The following ARID1B variants were observed in gnomAD, a reference collection of about 807,000 sequenced individuals.
The protein encoded by ARID1B is AT-rich interactive domain-containing protein 1B.
ARID1B carries 30 observed loss-of-function variants against 212.3 expected under a neutral mutation model. The observed-to-expected ratio is 0.14, with a 90% CI of 0.11 to 0.19. ARID1B has a LOEUF of 0.19. Ranked by LOEUF, ARID1B falls within the 10% of genes least tolerant of loss-of-function variation. The pLI is 1.00. For synonymous variants in ARID1B, 1,402 were observed against 1,301.7 expected (o/e 1.08, Z -1.66); for missense variants, 2,891 against 3,204.0 (o/e 0.90, Z 2.36).
chr6:156,812,933 GGTGTGTGTGTGTGT>G (rs71027314), intron 1 of ARID1B, among the ~76,000 whole-genome samples: 117 of 89,426 alleles, frequency 1.3e-3, no homozygotes, highest in Admixed American at 3.2e-3. Flanking sequence ...TATAATCCTG[GGTGTGTGTGTGTGT>G]GTGTGTGTGT....
At chr6:156,798,366 G>C (rs188229643) in intron 1 of ARID1B, among the ~76,000 whole-genome samples, 11 of 152,212 alleles carry the variant, frequency 7.2e-5, no homozygotes, top group East Asian at 1.9e-4. Context: ...GATTATGCTG[G>C]TGGTGGTGAT....
At chr6:157,152,552 T>C (rs1790275865) in intron 8 of ARID1B, 1 of 152,214 alleles carries the variant, frequency 6.6e-6, no homozygotes, top group Non-Finnish European at 1.5e-5. Context: ...AGAAGTTAAG[T>C]TTTATTTCTA....
intron 2 of ARID1B, among the ~76,000 whole-genome samples, chr6:156,832,149 G>A (rs1783187008): frequency 6.6e-6 from 1 of 152,198 alleles, no homozygotes. Flanking sequence ...GAAAAAAATA[G>A]TGAAGATTTA....
At chr6:156,829,561 C>G (rs1782999586) in intron 2 of ARID1B, 140 bp downstream of exon 2, 3 of 1,003,580 alleles carry the variant, frequency 3.0e-6, no homozygotes, top group Admixed American at 3.1e-5. Flanking sequence ...TTTCTTTAAT[C>G]ACAGGTATAA....
At chr6:156,782,270 T>G (rs1426100221) in intron 1 of ARID1B, among the ~76,000 whole-genome samples, 2 of 152,028 alleles carry the variant, frequency 1.3e-5, no homozygotes, top group Non-Finnish European at 2.9e-5. Context: ...TTTAATATGT[T>G]TTTAGTTTCA....
intron 2 of ARID1B, among the ~76,000 whole-genome samples, chr6:156,853,166 CTG>C (rs1219660669): frequency 3.3e-5 from 5 of 152,200 alleles, no homozygotes; most frequent in African/African-American, 1.2e-4. Context: ...AGGTTTAACT[CTG>C]TGCTTTAAAT....
intron 3 of ARID1B, among the ~76,000 whole-genome samples, chr6:156,929,138 TGTG>T (rs1425148364): frequency 6.6e-6 from 1 of 152,168 alleles, no homozygotes; most frequent in Non-Finnish European, 1.5e-5. Context: ...GCAACTATCT[TGTG>T]GTGGTGTCGT....
At chr6:157,123,249 A>T (rs74693263) in intron 6 of ARID1B, among the ~76,000 whole-genome samples, 3 of 14,336 alleles carry the variant, frequency 2.1e-4, no homozygotes, top group African/African-American at 7.2e-4. Context: ...CCCCCCCCCC[A>T]CACACACACA....
At chr6:157,204,705 G>T (rs532101163) in intron 19 of ARID1B, 1 of 152,222 alleles carries the variant, frequency 6.6e-6, no homozygotes, top group Non-Finnish European at 1.5e-5. Flanking sequence ...ATAATAGCTA[G>T]AAGAGAGGAG....
At chr6:156,958,799 T>C (rs1049534314) in intron 4 of ARID1B, among the ~76,000 whole-genome samples, 4 of 152,200 alleles carry the variant, frequency 2.6e-5, no homozygotes, top group African/African-American at 9.7e-5. Context: ...GGGGTGATTG[T>C]AGTCCAGTTA....
intron 4 of ARID1B, among the ~76,000 whole-genome samples, chr6:157,001,923 G>T (rs1778937733): frequency 6.6e-6 from 1 of 152,202 alleles, no homozygotes; most frequent in African/African-American, 2.4e-5. Flanking sequence ...AGGCGGCGAG[G>T]GCTCCCCACG....
intron 1 of ARID1B, among the ~76,000 whole-genome samples, chr6:156,801,908 A>G (rs1032602277): frequency 1.3e-5 from 2 of 152,046 alleles, no homozygotes; most frequent in Admixed American, 6.6e-5. Flanking sequence ...TTTGGTGTGG[A>G]AAAAAAATCG....
chr6:156,799,722 C>T (rs896130142), intron 1 of ARID1B, among the ~76,000 whole-genome samples: 1 of 152,188 alleles, frequency 6.6e-6, no homozygotes, highest in East Asian at 1.9e-4. Context: ...AAGTGATCTG[C>T]CCGCCTCAGA....
intron 1 of ARID1B, among the ~76,000 whole-genome samples, chr6:156,810,744 G>C (rs1335533942): frequency 6.6e-6 from 1 of 152,194 alleles, no homozygotes; most frequent in Non-Finnish European, 1.5e-5. Context: ...GGCTTCTGGA[G>C]AATGTGAGAG....
At chr6:157,055,107 C>G (rs1782865650) in intron 4 of ARID1B, among the ~76,000 whole-genome samples, 1 of 152,340 alleles carries the variant, frequency 6.6e-6, no homozygotes, top group South Asian at 2.1e-4. Context: ...CCACTGAAGC[C>G]AGCAGATACC....
At chr6:157,099,912 G>A (rs568325822) in intron 5 of ARID1B, among the ~76,000 whole-genome samples, 43 of 152,286 alleles carry the variant, frequency 2.8e-4, no homozygotes, top group Non-Finnish European at 1.8e-4. Flanking sequence ...CATGGCTCGG[G>A]AGTATCCAAG....
Position 157,206,595 on chromosome 6 carries a change from C to T in ARID1B, c.5823C>T (p.His1941=). 1 of 1,614,140 alleles carries T rather than the reference C, an allele frequency of 6.2e-7. No individual in the cohort carries two copies. Among genetic ancestry groups the T allele is most frequent in the Non-Finnish European group, 8.5e-7 (1 of 1,180,018 alleles). ...AGGAGTTCAATAGTGGCCTTCTGCACTGGCAGCTCGGCGGGGGTGACACCA... is the reference window on the plus strand; with the variant it reads ...AGGAGTTCAATAGTGGCCTTCTGCATTGGCAGCTCGGCGGGGGTGACACCA... The part of the protein sequence containing the change: ...RVQEFNSGLL[H]WQLGGGDTTE... The change falls in exon 20 of 20, where the codon CAC becomes CAT. Residue 1941 remains histidine (H), a synonymous_variant. Coordinates refer to ENST00000636930, the MANE Select transcript of ARID1B (RefSeq NM_001374828.1). This position sits in a 1 kb window ranked among gnomAD's most constrained non-coding sequence, Gnocchi z 6.8.
chr6:157,044,331 G>A (rs904729795), intron 4 of ARID1B, among the ~76,000 whole-genome samples: 87 of 136,572 alleles, frequency 6.4e-4, no homozygotes, highest in African/African-American at 2.3e-3. Flanking sequence ...ATCATATTTG[G>A]CAGTGACTTA....
rs1793922832 is a variant in ARID1B at position 157,198,886 on chromosome 6, C to T, written c.4458C>T (p.Pro1486=). 3 of 1,605,976 alleles carry T rather than the reference C, an allele frequency of 1.9e-6. No homozygotes were observed. The highest frequency in any genetic ancestry group is 2.6e-6 in the Non-Finnish European group (3 of 1,176,164). Residue 1486 remains proline, a synonymous_variant, in exon 17 of 20, where the codon CCC becomes CCT. Coordinates refer to ENST00000636930, the MANE Select transcript of ARID1B (RefSeq NM_001374828.1). ...SGQPPYGGHQ[P]GLYPQQPNYK... ...AGCCGCCGTATGGAGGGCACCAGCC[C>T]GGCCTGTACCCACAGCAGCCGGTGA...
Sources: allele counts gnomAD v4.1 joint callset (sites outside exome capture counted in the v4.1 genomes callset), GRCh38; gene constraint gnomAD v4.1.1; non-coding constraint Gnocchi (gnomAD v3.1); transcripts MANE v1.5; gene names NCBI Gene and HGNC (gene_info 2026-07-23, HGNC 2026-07-21).